Variants in SELENON observed in about 807,000 individuals in gnomAD.
The protein encoded by SELENON is selenoprotein N, 1.
SELENON carries 44 observed loss-of-function variants against 59.5 expected under a neutral mutation model. That is an observed-to-expected ratio of 0.74 (90% confidence interval 0.58 to 0.95). The LOEUF (loss-of-function observed/expected upper bound fraction) is 0.95, where lower values mean the gene tolerates loss of function less well. Ranked by LOEUF, SELENON falls within the 40% of genes least tolerant of loss-of-function variation. The pLI is 0.00. For missense variants in SELENON, 674 were observed against 721.4 expected (o/e 0.93, Z 0.75); for synonymous variants, 320 against 305.6 (o/e 1.05, Z -0.49).
At chr1:25,803,068 G>A (rs1166401881) in intron 3 of SELENON, among the ~76,000 whole-genome samples, 16 of 152,212 alleles carry the variant, frequency 1.1e-4, no homozygotes, top group Admixed American at 1.0e-3. Context: ...GAGCTGGAGT[G>A]GATGTGTATC....
At chr1:25,801,336 G>T (rs551136136) in intron 2 of SELENON, among the ~76,000 whole-genome samples, 176 bp downstream of exon 2, 14 of 152,286 alleles carry the variant, frequency 9.2e-5, no homozygotes, top group Admixed American at 9.1e-4. Flanking sequence ...AGCAACCCCT[G>T]AGCCTGTTTT....
chr1:25,801,177 G>A lies in SELENON; in HGVS notation c.301+17G>A. The A allele has an allele frequency of 6.2e-7, 1 of 1,605,260 alleles. No individual in the cohort carries two copies. The highest frequency in any genetic ancestry group is 8.5e-7 in the Non-Finnish European group (1 of 1,172,044). ...AGCTAACAGGTACCAGGAGAGACTG[G>A]CGGCTGGGGAGGAGGGCGCCTTGGC... On this transcript the variant is annotated intron_variant, in intron 2 of 12. Coordinates refer to ENST00000361547, the MANE Select transcript of SELENON (RefSeq NM_020451.3).
intron 5 of SELENON, 60 bp downstream of exon 4, chr1:25,808,849 C>T (rs2047933457): frequency 1.8e-5 from 29 of 1,598,318 alleles, no homozygotes; most frequent in Non-Finnish European, 2.3e-5. Flanking sequence ...GTGGCCACCC[C>T]TCTGTCTGCG....
rs34177164 is a variant in SELENON at position 25,809,124 on chromosome 1, C to T, written c.846C>T (p.Ser282=). 448 of 1,613,794 alleles carry T rather than the reference C, an allele frequency of 2.8e-4. 4 individuals carry two copies. In the African/African-American group the frequency reaches 5.3e-3, roughly 19 times the overall value. ...CTGTGGCCTGCCTGACTGCCATCAGCGACTTCTACTACACTGTGATGTTCC... is the reference window on the plus strand; with the variant it reads ...CTGTGGCCTGCCTGACTGCCATCAGTGACTTCTACTACACTGTGATGTTCC... The change falls in exon 6 of 13, where the codon AGC becomes AGT. Residue 282 remains serine (S), a synonymous_variant. Transcript: ENST00000361547.
At chr1:25,813,657 G>C in intron 10 of SELENON, 1 of 626,624 alleles carries the variant, frequency 1.6e-6, no homozygotes, top group Non-Finnish European at 3.0e-6. Context: ...CAAGTCCCCA[G>C]GGCCAGGTAG....
chr1:25,815,045 T>C (rs1229117269), intron 12 of SELENON, among the ~76,000 whole-genome samples: 5 of 151,718 alleles, frequency 3.3e-5, no homozygotes, highest in Non-Finnish European at 7.4e-5. Flanking sequence ...CCCATTCATA[T>C]GAATGTTGAT....
In SELENON at chr1:25,800,265, C is replaced by T. The variant is rs1382077148; in HGVS notation, c.35C>T (p.Pro12Leu). The change falls in exon 1 of 13, where the codon CCC becomes CTC. Residue 12 changes from proline to leucine, a missense_variant. Pro to Leu is a moderately conservative substitution (Grantham distance 98). Coordinates refer to ENST00000361547, the MANE Select transcript of SELENON (RefSeq NM_020451.3). ...GCCCGGCCGGGCCAACGCGGGCCGCCCAGCCCCGGCCCCGCCGCGCAGCCT... is the reference window on the plus strand; with the variant it reads ...GCCCGGCCGGGCCAACGCGGGCCGCTCAGCCCCGGCCCCGCCGCGCAGCCT... 2.1e-6 allele frequency: 2 copies of T among 951,252 alleles called. No homozygotes were observed. The highest frequency in any genetic ancestry group is 2.5e-6 in the Non-Finnish European group (2 of 801,230). 58.9% of individuals were successfully genotyped at this position (951,252 alleles called of 1,614,324 possible).
intron 7 of SELENON, among the ~76,000 whole-genome samples, chr1:25,811,052 T>C (rs2047954969): frequency 2.0e-5 from 3 of 152,186 alleles, no homozygotes; most frequent in Admixed American, 6.5e-5. Flanking sequence ...ACTGCTCGGC[T>C]CAGATTTCCT....
chr1:25,811,300 C>A (rs1359286517), intron 7 of SELENON, among the ~76,000 whole-genome samples, 154 bp from the exon 7 acceptor site: 1 of 152,192 alleles, frequency 6.6e-6, no homozygotes, highest in East Asian at 1.9e-4. Flanking sequence ...GCTCTGCAGC[C>A]AGAATCCCAG....
intron 10 of SELENON, chr1:25,813,584 C>G (rs751904359): frequency 1.3e-5 from 6 of 475,088 alleles, no homozygotes; most frequent in Non-Finnish European, 2.4e-5. Flanking sequence ...GGTAGAGGAA[C>G]AGCCTGTGTG....
intron 10 of SELENON, 27 bp from the exon 10 acceptor site, chr1:25,813,853 CG>C: frequency 6.4e-7 from 1 of 1,565,298 alleles, no homozygotes; most frequent in Non-Finnish European, 8.8e-7. Context: ...GATGTGGGGG[CG>C]CCTCACCCTT....
At position 25,807,265 on chromosome 1, in the gene SELENON, C is replaced by T. The variant is rs2047915791; in HGVS notation, c.538-1315C>T. ...ACTTGCCGTCTCCCACTATAAGCTC[C>T]AAGAAGACAGGGTGCACAGTGTACC... On this transcript the variant is annotated intron_variant, in intron 4 of 12. Coordinates refer to ENST00000361547, the MANE Select transcript of SELENON (RefSeq NM_020451.3). This position sits in a 1 kb window ranked among gnomAD's most constrained non-coding sequence, Gnocchi z 4.5. Among the ~76,000 whole-genome samples, 1 of 151,840 alleles carries T rather than the reference C, an allele frequency of 6.6e-6. No homozygotes were observed.
chr1:25,806,194 C>T (rs1014968650), intron 4 of SELENON, among the ~76,000 whole-genome samples: 16 of 152,214 alleles, frequency 1.1e-4, no homozygotes, highest in African/African-American at 3.6e-4. Context: ...GTGTCTGGGC[C>T]CAGGGGGCAT....
rs535969622 is a variant in SELENON at position 25,810,665 on chromosome 1, G to A, written c.1011-789G>A. Among the ~76,000 whole-genome samples, 213 of 152,328 alleles carry A rather than the reference G, an allele frequency of 1.4e-3. 2 individuals carry two copies. The highest frequency in any genetic ancestry group is 1.5e-3 in the Non-Finnish European group (103 of 68,022). On this transcript the variant is annotated intron_variant, in intron 7 of 12. Coordinates refer to ENST00000361547, the MANE Select transcript of SELENON (RefSeq NM_020451.3). ...ACAGGGCAGGCGTGAGAGGATGGTC[G>A]GGATAACATGGGAAGAGAAAATTGC...
In SELENON at chr1:25,800,971, A is replaced by G. The variant is rs1407550843; in HGVS notation, c.184-72A>G. ...GGTGGGAGAAGGGGCTCCATGCGGAAGCAACTGCCTGTTGGGGACCAGGAG... is the reference window on the plus strand; with the variant it reads ...GGTGGGAGAAGGGGCTCCATGCGGAGGCAACTGCCTGTTGGGGACCAGGAG... On this transcript the variant is annotated intron_variant, in intron 1 of 12. Transcript: ENST00000361547. 3 of 1,205,270 alleles carry G rather than the reference A, an allele frequency of 2.5e-6. No individual in the cohort carries two copies. In the African/African-American group the frequency reaches 4.5e-5, roughly 18 times the overall value. 74.7% of individuals were successfully genotyped at this position (1,205,270 alleles called of 1,614,324 possible).
Position 25,813,798 on chromosome 1 carries a change from C to CT in SELENON, c.1388-82dup, listed in dbSNP as rs2047986648. ...ATTTCACTTGGGTGCAGAGACTGTC[C>CT]TGCAGCCCGTGAGGTCTCCCCAAAG... On this transcript the variant is annotated intron_variant, in intron 10 of 12. Transcript: ENST00000361547. The CT allele has an allele frequency of 4.1e-6, 4 of 981,188 alleles. No individual in the cohort carries two copies. The Admixed American group carries it at 6.8e-5, about 17-fold the overall frequency. The allele number at this position is 981,188 out of a possible 1,614,324, so 60.8% of individuals were successfully genotyped here.
chr1:25,812,454 CAT>C (rs969057677), intron 9 of SELENON, among the ~76,000 whole-genome samples: 18 of 74,878 alleles, frequency 2.4e-4, no homozygotes, highest in East Asian at 7.7e-4. Context: ...CACACACTAA[CAT>C]ATATATACAC....
At chr1:25,813,687 A>G in intron 10 of SELENON, 194 bp from the exon 10 acceptor site, 1 of 646,988 alleles carries the variant, frequency 1.5e-6, no homozygotes, top group South Asian at 1.5e-5. Flanking sequence ...CCCTAATCTC[A>G]GCCCAGGATG....
chr1:25,812,449 A>C (rs1557432616), intron 9 of SELENON, among the ~76,000 whole-genome samples: 1 of 134,132 alleles, frequency 7.5e-6, no homozygotes, highest in Non-Finnish European at 1.6e-5. Flanking sequence ...AAACACACAC[A>C]CTAACATATA....
Sources: gnomAD v4.1 joint callset for allele counts (sites outside exome capture counted in the v4.1 genomes callset) on GRCh38, gnomAD v4.1.1 for gene constraint, Gnocchi (gnomAD v3.1) non-coding constraint, MANE v1.5 for transcripts, NCBI Gene and HGNC (gene_info 2026-07-23, HGNC 2026-07-21) for gene names.